GRID2: variants seen among roughly 807,000 people sequenced by gnomAD.
The protein encoded by GRID2 is glutamate receptor ionotropic, delta-2.
A neutral mutation model predicts 114.8 loss-of-function variants in GRID2; 33 were observed. The observed-to-expected ratio is 0.29, with a 90% CI of 0.22 to 0.38. The LOEUF (loss-of-function observed/expected upper bound fraction) is 0.38. Among genes scored for constraint, GRID2 ranks in the 10% least tolerant of loss-of-function variants. The pLI, the probability that GRID2 is intolerant of heterozygous loss-of-function variation, is 1.00. For missense variants in GRID2, 1,184 were observed against 1,257.7 expected (o/e 0.94, Z 0.89); for synonymous variants, 505 against 449.9 (o/e 1.12, Z -1.55).
At chr4:93,791,857 T>A (rs1308435529) in intron 1 of GRID2, among the ~76,000 whole-genome samples, 1 of 152,242 alleles carries the variant, frequency 6.6e-6, no homozygotes, top group Non-Finnish European at 1.5e-5. Flanking sequence ...CAGCATTGTG[T>A]GAAAAGTCTC....
chr4:93,307,149 C>A (rs1456114519), intron 8 of GRID2, among the ~76,000 whole-genome samples: 1 of 151,136 alleles, frequency 6.6e-6, no homozygotes, highest in African/African-American at 2.4e-5. Context: ...TTGCAGTGAG[C>A]CGAGATAGCG....
chr4:93,395,183 CT>C (rs994751164), intron 8 of GRID2, among the ~76,000 whole-genome samples: 2 of 151,738 alleles, frequency 1.3e-5, no homozygotes, highest in African/African-American at 4.8e-5. Flanking sequence ...AAAATAGTGT[CT>C]TTTTTCCCAG....
chr4:93,166,242 T>G lies in GRID2; in HGVS notation c.736-41162T>G, dbSNP rs186319677. 4.6e-5 allele frequency: 7 copies of G among 152,306 alleles called. No homozygotes were observed. In the East Asian group the frequency reaches 1.4e-3, roughly 29 times the overall value. The allele number at this position is 152,306 out of a possible 1,614,324, so 9.4% of individuals were successfully genotyped here. ...AAATTTTAGTATCTATCTATTAAAG[T>G]GTTTCTTATGCTGTTGACACTTTAA... On this transcript the variant is annotated intron_variant, in intron 4 of 15. Coordinates refer to ENST00000282020, the MANE Select transcript of GRID2 (RefSeq NM_001510.4).
chr4:92,615,354 C>T (rs891737480), intron 2 of GRID2, among the ~76,000 whole-genome samples: 1 of 151,480 alleles, frequency 6.6e-6, no homozygotes, highest in East Asian at 1.9e-4. Context: ...TGAAAGACAC[C>T]ATCTTCAAAA....
intron 1 of GRID2, among the ~76,000 whole-genome samples, chr4:92,347,171 C>T (rs973147948): frequency 1.3e-5 from 2 of 152,146 alleles, no homozygotes; most frequent in African/African-American, 2.4e-5. Context: ...AGCTTTTTAG[C>T]CCTGAACCAA....
chr4:93,593,839 G>C (rs1349141277), intron 13 of GRID2, among the ~76,000 whole-genome samples: 1 of 151,818 alleles, frequency 6.6e-6, no homozygotes, highest in African/African-American at 2.4e-5. Flanking sequence ...TCTTCCAGTT[G>C]ATCGCATCGG....
chr4:93,190,062 T>C (rs1404923964), intron 4 of GRID2, among the ~76,000 whole-genome samples: 1 of 152,168 alleles, frequency 6.6e-6, no homozygotes, highest in East Asian at 1.9e-4. Flanking sequence ...TTATTTTTTA[T>C]ATTATCTTTT....
intron 2 of GRID2, among the ~76,000 whole-genome samples, chr4:92,665,000 T>TA (rs760613206): frequency 5.5e-4 from 83 of 149,810 alleles, no homozygotes; most frequent in Non-Finnish European, 9.7e-4. Flanking sequence ...TTTTTTTTTT[T>TA]AATTTCAGAG....
intron 9 of GRID2, among the ~76,000 whole-genome samples, chr4:93,396,919 A>G (rs1026882321): frequency 2.6e-5 from 4 of 152,018 alleles, no homozygotes; most frequent in Admixed American, 1.3e-4. Context: ...GTAATAGTCC[A>G]TAGTTAGTAC....
At chr4:92,531,935 T>C (rs1037175127) in intron 1 of GRID2, among the ~76,000 whole-genome samples, 6 of 152,170 alleles carry the variant, frequency 3.9e-5, no homozygotes, top group African/African-American at 1.4e-4. Context: ...CAGGCCCTAC[T>C]AGCAAATATC....
chr4:92,991,682 G>GATTT (rs1161597720), intron 2 of GRID2, among the ~76,000 whole-genome samples: 1 of 152,012 alleles, frequency 6.6e-6, no homozygotes. Context: ...TCTTAAAAAG[G>GATTT]ATTTTATCGC....
intron 1 of GRID2, among the ~76,000 whole-genome samples, chr4:92,543,582 G>A (rs1350754465): frequency 1.3e-5 from 2 of 152,098 alleles, no homozygotes; most frequent in African/African-American, 4.8e-5. Context: ...ATGTGCATTC[G>A]CTTTTGAAAT....
chr4:92,428,507 A>C (rs1218145251), intron 1 of GRID2, among the ~76,000 whole-genome samples: 1 of 152,098 alleles, frequency 6.6e-6, no homozygotes, highest in African/African-American at 2.4e-5. Context: ...CCTTGTGGAC[A>C]ATTGGTATAT....
intron 2 of GRID2, among the ~76,000 whole-genome samples, chr4:92,956,220 A>G (rs1752398211): frequency 6.6e-6 from 1 of 152,186 alleles, no homozygotes; most frequent in African/African-American, 2.4e-5. Flanking sequence ...ATTGATGAAG[A>G]TAACTTGACA....
chr4:92,832,499 T>C (rs1742184716), intron 2 of GRID2, among the ~76,000 whole-genome samples: 2 of 151,472 alleles, frequency 1.3e-5, no homozygotes, highest in Admixed American at 1.3e-4. Flanking sequence ...GTTCAAGCTA[T>C]TCTTCTGCCT....
At chr4:93,760,421 C>CT (rs972882616) in intron 14 of GRID2, among the ~76,000 whole-genome samples, 1 of 152,124 alleles carries the variant, frequency 6.6e-6, no homozygotes, top group Admixed American at 6.6e-5. Flanking sequence ...ATCAAATTAC[C>CT]TTTTTCAAAT....
At chr4:93,491,119 A>C (rs1454903884) in intron 12 of GRID2, among the ~76,000 whole-genome samples, 2 of 151,980 alleles carry the variant, frequency 1.3e-5, no homozygotes, top group African/African-American at 4.8e-5. Flanking sequence ...TCATACTTAA[A>C]AGGAAATCTT....
At chr4:92,525,704 G>T (rs1047181489) in intron 1 of GRID2, among the ~76,000 whole-genome samples, 1 of 152,076 alleles carries the variant, frequency 6.6e-6, no homozygotes, top group African/African-American at 2.4e-5. Context: ...GAAATTTTGG[G>T]TTGAGCCAGG....
chr4:92,471,203 G>A (rs998107987), intron 1 of GRID2, among the ~76,000 whole-genome samples: 6 of 152,020 alleles, frequency 3.9e-5, no homozygotes, highest in African/African-American at 1.4e-4. Context: ...ACATTCTGAG[G>A]TATTGGTATA....
Sources: gnomAD v4.1 joint callset for allele counts (sites outside exome capture counted in the v4.1 genomes callset) on GRCh38, gnomAD v4.1.1 for gene constraint, MANE v1.5 for transcripts, NCBI Gene and HGNC (gene_info 2026-07-23, HGNC 2026-07-21) for gene names.